The following ALMS1 variants were observed in gnomAD, a reference collection of about 807,000 sequenced individuals.
The protein encoded by ALMS1 is ALMS1 centrosome and basal body associated protein.
In ALMS1, 271 loss-of-function variants were observed where a neutral mutation model predicts 352.2. The ratio of observed to expected loss-of-function variants is 0.77; its 90% CI spans 0.70 to 0.85. The LOEUF (loss-of-function observed/expected upper bound fraction) is 0.85, where lower values mean the gene tolerates loss of function less well. ALMS1 is among the 40% of genes least tolerant of loss of function. The probability of loss-of-function intolerance (pLI) is 0.00; values close to 1 mark genes in which losing one functional copy is unlikely to be tolerated. For synonymous variants in ALMS1, 1,865 were observed against 1,761.2 expected, an observed-to-expected ratio of 1.06 and a Z score of -1.48; for missense variants, 5,445 against 4,870.7, an observed-to-expected ratio of 1.12 and a Z score of -3.51.
intron 1 of ALMS1, among the ~76,000 whole-genome samples, chr2:73,391,444 C>T (rs1340329462): frequency 1.3e-5 from 2 of 151,928 alleles, no homozygotes; most frequent in Non-Finnish European, 2.9e-5. Context: ...CAGGCGCCCG[C>T]CACCACGCCC....
At chr2:73,487,887 T>C (rs1672888393) in intron 9 of ALMS1, among the ~76,000 whole-genome samples, 1 of 151,990 alleles carries the variant, frequency 6.6e-6, no homozygotes. Context: ...AATCTGCATC[T>C]TTCAGCAGAG....
rs1338369570 is a variant in ALMS1, at chr2:73,581,752, C to CT, written c.11547+8342dup. Reference sequence around the variant, plus strand: ...ACTAGAGTGACATCAATTATTTTTTCTTTTTTTTTTTTTTGAGACGTAGTC... The same window carrying CT: ...ACTAGAGTGACATCAATTATTTTTTCTTTTTTTTTTTTTTTGAGACGTAGTC... On this transcript the variant is annotated intron_variant, in intron 16 of 22. Transcript: ENST00000613296. 2.2e-3 allele frequency among the ~76,000 whole-genome samples: 315 copies of CT among 143,064 alleles called. 1 individual carries two copies. The highest frequency in any genetic ancestry group is 4.2e-3 in the Admixed American group (60 of 14,282). 93.9% of individuals were successfully genotyped at this position (143,064 alleles called of 152,430 possible). A position where few individuals can be genotyped will look rare whatever the true frequency, so the allele number is the denominator to read the frequency against.
chr2:73,477,749 T>C (rs1672612052), intron 9 of ALMS1, among the ~76,000 whole-genome samples: 1 of 152,178 alleles, frequency 6.6e-6, no homozygotes, highest in Non-Finnish European at 1.5e-5. Context: ...ATTGAATTTT[T>C]TTTAAAAATT....
At chr2:73,587,320 A>T (rs140784264) in intron 16 of ALMS1, among the ~76,000 whole-genome samples, 175 of 152,304 alleles carry the variant, frequency 1.1e-3, no homozygotes, top group African/African-American at 4.1e-3. Context: ...AGTGTTGAAT[A>T]GCAGGGATGA....
At chr2:73,514,157 T>C (rs1265423064) in intron 10 of ALMS1, among the ~76,000 whole-genome samples, 2 of 152,202 alleles carry the variant, frequency 1.3e-5, no homozygotes, top group Admixed American at 6.5e-5. Context: ...TTGAATGTTA[T>C]TCATTTTTAA....
At chr2:73,431,914 AT>A (rs1671507893) in intron 6 of ALMS1, among the ~76,000 whole-genome samples, 1 of 152,176 alleles carries the variant, frequency 6.6e-6, no homozygotes, top group Admixed American at 6.5e-5. Flanking sequence ...ACTATCTATA[AT>A]ATTTTATCTA....
intron 9 of ALMS1, among the ~76,000 whole-genome samples, chr2:73,477,357 T>G (rs944962343): frequency 2.6e-5 from 4 of 152,148 alleles, no homozygotes; most frequent in African/African-American, 9.7e-5. Context: ...ACTGTCCTTA[T>G]GCCAGCACTG....
chr2:73,510,114 C>T (rs1032595730), intron 10 of ALMS1, among the ~76,000 whole-genome samples: 1 of 152,188 alleles, frequency 6.6e-6, no homozygotes, highest in Non-Finnish European at 1.5e-5. Context: ...GTTAGCAATT[C>T]CTCTAACCTT....
At chr2:73,599,260 T>C (rs1452105451) in intron 16 of ALMS1, 141 bp from the exon 17 acceptor site, 1 of 1,081,212 alleles carries the variant, frequency 9.2e-7, no homozygotes, top group Non-Finnish European at 1.4e-6. Flanking sequence ...GGCAGCAAGT[T>C]CACAGTATCT....
intron 16 of ALMS1, among the ~76,000 whole-genome samples, chr2:73,579,089 G>A (rs1378786982): frequency 2.0e-5 from 1 of 48,952 alleles, no homozygotes; most frequent in Non-Finnish European, 3.5e-5. Flanking sequence ...TTTTTTTTGA[G>A]ACGGAGTCGT....
intron 19 of ALMS1, 125 bp downstream of exon 19, chr2:73,601,561 C>T (rs1396141042): frequency 7.0e-6 from 10 of 1,427,948 alleles, no homozygotes; most frequent in African/African-American, 2.8e-5. Context: ...CCAGCACCTC[C>T]GCAGTTCACC....
chr2:73,596,860 C>CTTTTTTTTTTTTTTTTTTTTTTTTTT (rs70965740), intron 16 of ALMS1, among the ~76,000 whole-genome samples: 7 of 104,242 alleles, frequency 6.7e-5, no homozygotes, highest in African/African-American at 1.5e-4. Context: ...CCCTCTACCT[C>CTTTTTTTTTTTTTTTTTTTTTTTTTT]TTTTTTTTTT....
chr2:73,400,056 C>T (rs1191428638), intron 1 of ALMS1, among the ~76,000 whole-genome samples: 1 of 151,472 alleles, frequency 6.6e-6, no homozygotes, highest in Admixed American at 6.6e-5. Context: ...TCCTACTTCA[C>T]CCTCCTGAGT....
intron 12 of ALMS1, among the ~76,000 whole-genome samples, chr2:73,537,049 T>C (rs919531844): frequency 2.0e-5 from 3 of 152,208 alleles, no homozygotes; most frequent in African/African-American, 4.8e-5. Flanking sequence ...TTGACCTATC[T>C]AGTGGTTCCG....
intron 10 of ALMS1, among the ~76,000 whole-genome samples, chr2:73,517,066 G>A (rs548942914): frequency 1.3e-5 from 2 of 151,984 alleles, no homozygotes; most frequent in South Asian, 4.2e-4. Context: ...CAAAAAAAGG[G>A]AAATTGACCT....
In ALMS1 at chr2:73,550,273, A is replaced by G. The variant is rs142022233; in HGVS notation, c.9914A>G (p.Asn3305Ser). ...TTVESSHSGS[N>S]DAIAPDFPAQ... ...CTTCCCCGTTTTTCTGTAGGATCCA[A>G]TGATGCCATTGCTCCAGACTTCCCA... Residue 3305 changes from asparagine (N) to serine (S), a missense_variant, in exon 13 of 23, where the codon AAT (asparagine) becomes AGT (serine). Physicochemically the swap from Asn to Ser is conservative, Grantham distance 46 (BLOSUM62 1). Transcript: ENST00000613296. 5,743 of 1,614,066 alleles carry G rather than the reference A, an allele frequency of 3.6e-3. 67 individuals are homozygous for G. Among genetic ancestry groups the G allele is most frequent in the South Asian group, 0.027 (2,446 of 91,054 alleles).
chr2:73,579,793 T>C (rs1675135161), intron 16 of ALMS1, among the ~76,000 whole-genome samples: 1 of 152,226 alleles, frequency 6.6e-6, no homozygotes, highest in Non-Finnish European at 1.5e-5. Context: ...TTATTCTTAC[T>C]GCTTTCAAGA....
rs1675681199 is a variant in ALMS1, at chr2:73,601,309, C to A, written c.11987C>A (p.Pro3996His). ...TTTGAACCAATAACCAAGACCAGAC[C>A]CTGGAGGGAGCCACTGCGGGAGCAG... ...SWFEPITKTR[P>H]WREPLREQNC... The change falls in exon 19 of 23, where the codon CCC becomes CAC. Residue 3996 changes from proline (P) to histidine (H), a missense_variant. By Grantham distance (77) the Pro-to-His change is moderately conservative. Transcript: ENST00000613296. 3 of 1,614,070 alleles carry A rather than the reference C, an allele frequency of 1.9e-6. No homozygotes were observed. Among genetic ancestry groups the A allele is most frequent in the Non-Finnish European group, 2.5e-6 (3 of 1,180,046 alleles).
chr2:73,403,227 C>T (rs996121468), intron 1 of ALMS1, among the ~76,000 whole-genome samples: 3 of 152,098 alleles, frequency 2.0e-5, no homozygotes, highest in African/African-American at 7.2e-5. Context: ...AGATAAAGGT[C>T]CAATTTCATT....
Sources: gnomAD v4.1 joint callset for allele counts (sites outside exome capture counted in the v4.1 genomes callset) on GRCh38, gnomAD v4.1.1 for gene constraint, MANE v1.5 for transcripts, NCBI Gene and HGNC (gene_info 2026-07-23, HGNC 2026-07-21) for gene names.